Variants in CSMD2 observed in about 807,000 individuals in gnomAD.
CSMD2 encodes CUB and Sushi multiple domains 2.
In CSMD2, 130 loss-of-function variants were observed where a neutral mutation model predicts 398.5. That is an observed-to-expected ratio of 0.33 (90% CI 0.28 to 0.38). The LOEUF (loss-of-function observed/expected upper bound fraction) is 0.38. Among genes scored for constraint, CSMD2 ranks in the 10% least tolerant of loss-of-function variants. The pLI is 1.00. For missense variants in CSMD2, 3,829 were observed against 4,764.9 expected (o/e 0.80, Z 5.78); for synonymous variants, 1,828 against 1,908.5 (o/e 0.96, Z 1.10).
intron 2 of CSMD2, among the ~76,000 whole-genome samples, chr1:34,042,952 AT>A (rs35974229): frequency 0.97 from 147,623 of 151,560 alleles, 71,998 homozygotes; most frequent in East Asian, 1. Context: ...TGCCTGGCTA[AT>A]TTTTTTTTTG....
intron 26 of CSMD2, among the ~76,000 whole-genome samples, chr1:33,658,772 G>A (rs1485897791): frequency 6.6e-6 from 1 of 152,208 alleles, no homozygotes; most frequent in African/African-American, 2.4e-5. Context: ...GCTGAGGTGG[G>A]AGGATCCTTT....
rs950548680 is a variant in CSMD2 at position 34,085,181 on chromosome 1, G to A, written c.404+3796C>T. ...CACTCATAGGTGGGAATTGAACAAT[G>A]ACAACACTTGGACACAGGAAGGGGA... On this transcript the variant is annotated intron_variant, in intron 2 of 70. Transcript: ENST00000373381. Among the ~76,000 whole-genome samples the A allele has an allele frequency of 2.6e-5, 4 of 152,154 alleles. No individual in the cohort carries two copies. In the East Asian group the frequency reaches 7.8e-4, roughly 29 times the overall value.
chr1:33,582,814 T>C (rs1471803172), intron 47 of CSMD2, among the ~76,000 whole-genome samples: 1 of 152,194 alleles, frequency 6.6e-6, no homozygotes, highest in Non-Finnish European at 1.5e-5. Context: ...TTGTAGCAGC[T>C]GTGTGAGGCG....
chr1:33,678,324 AAAAAG>A (rs1271799567), intron 25 of CSMD2, among the ~76,000 whole-genome samples: 12 of 151,946 alleles, frequency 7.9e-5, no homozygotes, highest in East Asian at 5.8e-4. Flanking sequence ...AAAAAAAAAA[AAAAAG>A]AAAGAAAGAC....
intron 2 of CSMD2, among the ~76,000 whole-genome samples, chr1:34,045,055 A>ACACC (rs924022216): frequency 1.3e-4 from 19 of 151,566 alleles, no homozygotes; most frequent in African/African-American, 4.6e-4. Context: ...ACACACACAC[A>ACACC]CACACACACA....
intron 57 of CSMD2, among the ~76,000 whole-genome samples, chr1:33,544,361 C>T (rs1304584472): frequency 1.3e-5 from 2 of 151,726 alleles, no homozygotes; most frequent in African/African-American, 4.8e-5. Flanking sequence ...TCGTGATCCA[C>T]CCGCCTCGGC....
chr1:33,996,445 C>T (rs192230440), intron 3 of CSMD2, among the ~76,000 whole-genome samples: 10 of 152,304 alleles, frequency 6.6e-5, no homozygotes, highest in South Asian at 2.1e-4. Flanking sequence ...GGGCACAACA[C>T]GCAGGGAACA....
chr1:33,907,776 T>G (rs1643193326), intron 5 of CSMD2, among the ~76,000 whole-genome samples: 1 of 152,060 alleles, frequency 6.6e-6, no homozygotes, highest in South Asian at 2.1e-4. Flanking sequence ...ATCCTGCCTC[T>G]CTGGTGAGTC....
intron 12 of CSMD2, among the ~76,000 whole-genome samples, chr1:33,783,007 C>T (rs1206256908): frequency 6.6e-6 from 1 of 151,886 alleles, no homozygotes; most frequent in African/African-American, 2.4e-5. Flanking sequence ...GACTCTGCCA[C>T]TATTCAAGTG....
intron 15 of CSMD2, among the ~76,000 whole-genome samples, chr1:33,728,670 T>G (rs1646623022): frequency 6.6e-6 from 1 of 152,212 alleles, no homozygotes; most frequent in South Asian, 2.1e-4. Flanking sequence ...ATAATAGTGC[T>G]ACAACCACAG....
intron 15 of CSMD2, among the ~76,000 whole-genome samples, chr1:33,730,607 A>C (rs1646686877): frequency 7.6e-6 from 1 of 132,114 alleles, no homozygotes; most frequent in South Asian, 2.2e-4. Context: ...AATAGGATAC[A>C]AAAAGAAATG....
chr1:33,617,689 T>G (rs974103695), intron 37 of CSMD2, 72 bp from the exon 38 acceptor site: 8 of 1,154,576 alleles, frequency 6.9e-6, no homozygotes, highest in Non-Finnish European at 1.0e-5. Flanking sequence ...TAGGCTGGGG[T>G]GAGATGCTGG....
chr1:34,060,635 T>C (rs1173281274), intron 2 of CSMD2, among the ~76,000 whole-genome samples: 1 of 145,084 alleles, frequency 6.9e-6, no homozygotes, highest in African/African-American at 2.7e-5. Flanking sequence ...GTGCAAGTCA[T>C]GGGGTTCCCT....
At position 33,811,010 on chromosome 1, in the gene CSMD2, G is replaced by A. The variant is rs989011637; in HGVS notation, c.1325-146C>T. On this transcript the variant is annotated intron_variant, in intron 9 of 70. Coordinates refer to ENST00000373381, the MANE Select transcript of CSMD2 (RefSeq NM_001281956.2). ...CTGCTTCCTGGGTCCTTCCTCTACA[G>A]TTCTTGGGAGGCTTGAAGGGAAGCC... The A allele has an allele frequency of 7.1e-5, 59 of 836,522 alleles. No homozygotes were observed. The Admixed American group carries it at 1.9e-3, about 27-fold the overall frequency. 51.8% of individuals were successfully genotyped at this position (836,522 alleles called of 1,614,324 possible).
intron 9 of CSMD2, 114 bp from the exon 10 acceptor site, chr1:33,810,978 TA>T: frequency 8.4e-7 from 1 of 1,196,496 alleles, no homozygotes; most frequent in South Asian, 1.4e-5. Context: ...ACCCTGGACA[TA>T]ACCTTCTGCT....
chr1:33,858,323 CT>C (rs1477596991), intron 5 of CSMD2, among the ~76,000 whole-genome samples: 2 of 152,180 alleles, frequency 1.3e-5, no homozygotes, highest in African/African-American at 4.8e-5. Flanking sequence ...ATTTAGATAA[CT>C]TTTTCTCCTT....
At chr1:33,951,703 C>T (rs1002885829) in intron 3 of CSMD2, among the ~76,000 whole-genome samples, 5 of 152,168 alleles carry the variant, frequency 3.3e-5, no homozygotes, top group African/African-American at 7.2e-5. Flanking sequence ...TCTTTGATGC[C>T]GGCAGAAGAA....
intron 3 of CSMD2, among the ~76,000 whole-genome samples, chr1:33,958,008 C>T (rs1376882014): frequency 6.6e-6 from 1 of 152,004 alleles, no homozygotes; most frequent in African/African-American, 2.4e-5. Context: ...CTGCAGATGC[C>T]ACCCTGAAAA....
In CSMD2 at chr1:34,055,454, T is replaced by A. The variant is rs565166357; in HGVS notation, c.405-22748A>T. On this transcript the variant is annotated intron_variant, in intron 2 of 70. Coordinates refer to ENST00000373381, the MANE Select transcript of CSMD2 (RefSeq NM_001281956.2). ...ACCGCAGATGCCAATCACAAGACCC[T>A]GGTTGTTTTACCTTTACTTCTGACC... Among the ~76,000 whole-genome samples, 5 of 152,184 alleles carry A rather than the reference T, an allele frequency of 3.3e-5. No individual in the cohort carries two copies. The East Asian group carries it at 7.7e-4, about 23-fold the overall frequency.
Sources: gnomAD v4.1 joint callset for allele counts (sites outside exome capture counted in the v4.1 genomes callset) on GRCh38, gnomAD v4.1.1 for gene constraint, MANE v1.5 for transcripts, NCBI Gene and HGNC (gene_info 2026-07-23, HGNC 2026-07-21) for gene names.